CCDC18: variants seen among roughly 807,000 people sequenced by gnomAD.
The protein encoded by CCDC18 is coiled-coil domain containing 18, also known as coiled-coil domain-containing protein 18.
A neutral mutation model predicts 196.0 loss-of-function variants in CCDC18; 157 were observed. That is an observed-to-expected ratio of 0.80 (90% CI 0.70 to 0.91). The LOEUF is 0.91. CCDC18 is among the 40% of genes least tolerant of loss of function. The pLI, the probability that CCDC18 is intolerant of heterozygous loss-of-function variation, is 0.00. For missense variants in CCDC18, 1,465 were observed against 1,611.6 expected, an observed-to-expected ratio of 0.91 and a Z score of 1.56; for synonymous variants, 482 against 529.2, an observed-to-expected ratio of 0.91 and a Z score of 1.22.
chr1:93,188,991 C>T lies in CCDC18; in HGVS notation c.462+2488C>T, dbSNP rs577617594. 2.0e-5 allele frequency among the ~76,000 whole-genome samples: 3 copies of T among 152,218 alleles called. No homozygotes were observed. The South Asian group carries it at 6.2e-4, about 32-fold the overall frequency. ...GTGTTATAAACAATCCAGTTAAACT[C>T]TTAGTTATTTTTAAATGTACAATTA... On this transcript the variant is annotated intron_variant, in intron 4 of 28. Transcript: ENST00000690025.
intron 7 of CCDC18, among the ~76,000 whole-genome samples, chr1:93,204,579 A>G (rs1654397408): frequency 6.6e-6 from 1 of 152,176 alleles, no homozygotes; most frequent in African/African-American, 2.4e-5. Flanking sequence ...TATTATCATG[A>G]CAGCTACATG....
intron 6 of CCDC18, among the ~76,000 whole-genome samples, chr1:93,196,574 A>G (rs921898265): frequency 3.3e-5 from 5 of 152,212 alleles, no homozygotes; most frequent in African/African-American, 9.6e-5. Context: ...AAATAACACA[A>G]TTTCAAGGAG....
intron 7 of CCDC18, among the ~76,000 whole-genome samples, chr1:93,204,166 T>C (rs1477402081): frequency 6.6e-6 from 1 of 151,972 alleles, no homozygotes; most frequent in African/African-American, 2.4e-5. Context: ...GATGCTAGAA[T>C]TATAAGGAAT....
At position 93,270,436 on chromosome 1, in the gene CCDC18, A is replaced by G. The variant is rs1019633638; in HGVS notation, c.3975A>G (p.Pro1325=). 2.8e-5 allele frequency: 44 copies of G among 1,550,312 alleles called. No homozygotes were observed. Among genetic ancestry groups the G allele is most frequent in the Non-Finnish European group, 3.7e-5 (43 of 1,146,880 alleles). The part of the protein sequence containing the change: ...IKFLPAPFTS[P]TEIMPDVQDP... ...TTCTGCCAGCCCCATTTACATCTCC[A>G]ACAGAAATTATGCCTGATGTTCAAG... The change falls in exon 28 of 29, where the codon CCA becomes CCG. Residue 1325 remains proline (P), a synonymous_variant. Coordinates refer to ENST00000690025, the MANE Select transcript of CCDC18 (RefSeq NM_001378204.1).
intron 27 of CCDC18, among the ~76,000 whole-genome samples, chr1:93,265,490 A>G (rs1443732300): frequency 1.3e-5 from 2 of 152,220 alleles, no homozygotes; most frequent in African/African-American, 4.8e-5. Context: ...TATATGAGAT[A>G]CCACATATCA....
chr1:93,254,268 G>A (rs1269389030), intron 23 of CCDC18, among the ~76,000 whole-genome samples: 1 of 152,154 alleles, frequency 6.6e-6, no homozygotes, highest in Non-Finnish European at 1.5e-5. Flanking sequence ...GGGGGAATAT[G>A]AGTGGGTTAC....
chr1:93,221,663 AT>A lies in CCDC18; in HGVS notation c.2018del (p.Met673SerfsTer8). 6.3e-7 allele frequency: 1 copy of A among 1,590,080 alleles called. No individual in the cohort carries two copies. ...ACAATTTAAAGAACAAGAAAAGACT[AT>A]GTCCATGTTGCAACAAGATATAATA... The part of the protein sequence containing the change: ...DQQFKEQEKT[M>X]SMLQQDIICK... On this transcript the variant is annotated frameshift_variant, in exon 15 of 29. Coordinates refer to ENST00000690025, the MANE Select transcript of CCDC18 (RefSeq NM_001378204.1). LOFTEE classifies it high-confidence loss of function.
intron 25 of CCDC18, among the ~76,000 whole-genome samples, 194 bp from the exon 26 acceptor site, chr1:93,258,554 T>A (rs1490235960): frequency 1.3e-5 from 2 of 152,132 alleles, no homozygotes; most frequent in Non-Finnish European, 2.9e-5. Context: ...CAGCAAACAA[T>A]TATATTAATA....
intron 27 of CCDC18, among the ~76,000 whole-genome samples, chr1:93,267,480 T>C (rs1338099589): frequency 6.6e-6 from 1 of 152,086 alleles, no homozygotes; most frequent in Non-Finnish European, 1.5e-5. Flanking sequence ...GGTATTCAAT[T>C]AGGAAAAGAG....
Position 93,270,758 on chromosome 1 carries a change from A to G in CCDC18, c.4297A>G (p.Lys1433Glu), listed in dbSNP as rs1665177483. ...TLSGMLRYIN[K>E]EVRLLKKSSM... is the part of the protein sequence containing the mutation. ...TAGTGGGATGCTAAGATACATAAAC[A>G]AAGAAGTAAGACTATTAAAAAAGTC... The change falls in exon 28 of 29, where the codon AAA becomes GAA. Residue 1433 changes from lysine (K) to glutamate (E), a missense_variant. Transcript: ENST00000690025. 1.3e-6 allele frequency: 2 copies of G among 1,548,534 alleles called. No homozygotes were observed. The highest frequency in any genetic ancestry group is 1.7e-6 in the Non-Finnish European group (2 of 1,146,354).
Position 93,207,181 on chromosome 1 carries a change from C to T in CCDC18, c.992C>T (p.Ala331Val), listed in dbSNP as rs1471549924. ...IMAVKNSEVM[A>V]QLTESRQSIL... ...GCAGTGAAAAATTCAGAAGTCATGG[C>T]ACAACTAACTGAATCTAGACAAAGT... The change falls in exon 9 of 29, where the codon GCA becomes GTA. Residue 331 changes from alanine to valine, a missense_variant. By Grantham distance (64) the Ala-to-Val change is moderately conservative. Coordinates refer to ENST00000690025, the MANE Select transcript of CCDC18 (RefSeq NM_001378204.1). 1.2e-6 allele frequency: 2 copies of T among 1,608,556 alleles called. No individual in the cohort carries two copies. Among genetic ancestry groups the T allele is most frequent in the Non-Finnish European group, 1.7e-6 (2 of 1,175,724 alleles).
intron 28 of CCDC18, chr1:93,273,520 T>C (rs1665469442): frequency 6.6e-6 from 1 of 152,212 alleles, no homozygotes; most frequent in Non-Finnish European, 1.5e-5. Context: ...TCTAGTAGAA[T>C]TGCCAGCCAG....
At position 93,270,384 on chromosome 1, in the gene CCDC18, G is replaced by A. The variant is rs1190277377; in HGVS notation, c.3923G>A (p.Gly1308Glu). 1 of 1,549,370 alleles carries A rather than the reference G, an allele frequency of 6.5e-7. No individual in the cohort carries two copies. The highest frequency in any genetic ancestry group is 1.2e-5 in the South Asian group (1 of 84,020). The change falls in exon 28 of 29, where the codon GGA becomes GAA. Residue 1308 changes from glycine to glutamate, a missense_variant. Physicochemically the swap from Gly to Glu is moderately conservative, Grantham distance 98. Transcript: ENST00000690025. ...ACCAGATTACAGGCCAAAATTTCTGGACATGAAAAGGCAGAAGACATCAAG... is the reference window on the plus strand; with the variant it reads ...ACCAGATTACAGGCCAAAATTTCTGAACATGAAAAGGCAGAAGACATCAAG... ...ELTRLQAKIS[G>E]HEKAEDIKFL...
chr1:93,274,091 GCTTA>G (rs1665499795), intron 28 of CCDC18, among the ~76,000 whole-genome samples: 1 of 152,138 alleles, frequency 6.6e-6, no homozygotes, highest in Non-Finnish European at 1.5e-5. Flanking sequence ...TCTTGCAGTT[GCTTA>G]GCCAATTAAG....
intron 27 of CCDC18, among the ~76,000 whole-genome samples, chr1:93,265,842 A>G (rs908747272): frequency 6.6e-6 from 1 of 152,158 alleles, no homozygotes. Flanking sequence ...CACAATAATA[A>G]TGGGAGACTT....
intron 6 of CCDC18, chr1:93,199,751 T>A (rs1305170042): frequency 6.6e-6 from 1 of 152,392 alleles, no homozygotes; most frequent in East Asian, 1.9e-4. Context: ...AGACCCACAG[T>A]GGGTAGCTCC....
At chr1:93,221,833 A>G (rs759965191) in intron 15 of CCDC18, 26 bp from the exon 16 acceptor site, 77 of 1,584,412 alleles carry the variant, frequency 4.9e-5, no homozygotes, top group Non-Finnish European at 6.3e-5. Flanking sequence ...AAATCTGCAT[A>G]CTTATACTTT....
At chr1:93,209,303 A>C (rs948875290) in intron 9 of CCDC18, among the ~76,000 whole-genome samples, 1 of 152,202 alleles carries the variant, frequency 6.6e-6, no homozygotes, top group Admixed American at 6.5e-5. Context: ...CTCTTTTAGT[A>C]ATATTTGTGA....
In CCDC18 at chr1:93,232,426, G is replaced by T. The variant is rs1390665606; in HGVS notation, c.2293G>T (p.Val765Leu). Residue 765 changes from valine to leucine, a missense_variant and splice_region_variant, in exon 18 of 29, where the codon GTA (valine) becomes TTA (leucine). Transcript: ENST00000690025. The part of the protein sequence containing the change: ...EKQLKKKSEE[V>L]YCLQKELKIK... ...AGAGATATATATATATATTTGCCAG[G>T]TATATTGTTTACAGAAAGAGCTAAA... 6.4e-7 allele frequency: 1 copy of T among 1,560,188 alleles called. No individual in the cohort carries two copies. Among genetic ancestry groups the T allele is most frequent in the Non-Finnish European group, 8.8e-7 (1 of 1,141,066 alleles).
Sources: allele counts gnomAD v4.1 joint callset (sites outside exome capture counted in the v4.1 genomes callset), GRCh38; gene constraint gnomAD v4.1.1; transcripts MANE v1.5; gene names NCBI Gene and HGNC (gene_info 2026-07-23, HGNC 2026-07-21).